The following NUP35 variants were observed in gnomAD, a reference collection of about 807,000 sequenced individuals.
NUP35 encodes nucleoporin NUP35.
Under a neutral mutation model 41.5 loss-of-function variants are expected in NUP35, and 25 were observed. The observed-to-expected ratio is 0.60, with a 90% CI of 0.44 to 0.84. NUP35 has a LOEUF of 0.84. Ranked by LOEUF, NUP35 falls within the 40% of genes least tolerant of loss-of-function variation. The probability of loss-of-function intolerance (pLI) is 0.00; values close to 1 mark genes in which losing one functional copy is unlikely to be tolerated. For synonymous variants in NUP35, 149 were observed against 130.7 expected (o/e 1.14, Z -0.96); for missense variants, 396 against 396.6 (o/e 1.00, Z 0.01).
intron 6 of NUP35, 31 bp from the exon 7 acceptor site, chr2:183,158,252 C>G: frequency 7.1e-7 from 1 of 1,404,088 alleles, no homozygotes; most frequent in Non-Finnish European, 9.5e-7. Context: ...TATATATTTT[C>G]TATTTTAAGA....
Position 183,161,244 on chromosome 2 carries a change from C to T in NUP35, c.*113C>T. 1 of 642,940 alleles carries T rather than the reference C, an allele frequency of 1.6e-6. No homozygotes were observed. Among genetic ancestry groups the T allele is most frequent in the Non-Finnish European group, 2.6e-6 (1 of 379,796 alleles). The allele number at this position is 642,940 out of a possible 1,614,324, so 39.8% of individuals were successfully genotyped here. On this transcript the variant is annotated 3_prime_UTR_variant, in exon 9 of 9. Coordinates refer to ENST00000295119, the MANE Select transcript of NUP35 (RefSeq NM_138285.5). ...AGTATTGGATAGCTATCTCATACTT[C>T]TTTTAGAAAGAAGCCTTTTTCATTA... is the stretch of plus-strand genomic sequence containing the variant.
chr2:183,124,607 C>A (rs1700122688), intron 1 of NUP35, 110 bp downstream of exon 1: 2 of 1,413,092 alleles, frequency 1.4e-6, no homozygotes, highest in Non-Finnish European at 1.0e-6. Context: ...GTTTCAGTCG[C>A]GGAGAGGGAA....
Position 183,143,117 on chromosome 2 carries a change from C to T in NUP35, c.398-8391C>T, listed in dbSNP as rs529607601. 7.4e-5 allele frequency among the ~76,000 whole-genome samples: 11 copies of T among 148,380 alleles called. No individual in the cohort carries two copies. In the South Asian group the frequency reaches 2.1e-3, roughly 28 times the overall value. The stretch of plus-strand genomic sequence containing the variant: ...CTTGCAGTGAGCTGAGATCGAGCCA[C>T]TGCACTCCAGCCTGGGTGACAGAGC... On this transcript the variant is annotated intron_variant, in intron 4 of 8. Transcript: ENST00000295119.
At chr2:183,125,444 A>G (rs1458719188) in intron 1 of NUP35, among the ~76,000 whole-genome samples, 5 of 149,594 alleles carry the variant, frequency 3.3e-5, no homozygotes. Flanking sequence ...GAGTCTTTAG[A>G]TTTGAAGGGT....
chr2:183,156,844 T>C (rs1447094890), intron 5 of NUP35, among the ~76,000 whole-genome samples: 5 of 152,148 alleles, frequency 3.3e-5, no homozygotes, highest in Non-Finnish European at 7.4e-5. Flanking sequence ...TTGTAAAATA[T>C]CCAAACCATA....
At chr2:183,123,158 G>A (rs1247301647), upstream of NUP35, among the ~76,000 whole-genome samples, 1 of 152,146 alleles carries the variant, frequency 6.6e-6, no homozygotes, top group Non-Finnish European at 1.5e-5. Context: ...TTCTCCCCTG[G>A]AGCCTCCAGA....
intron 4 of NUP35, 87 bp downstream of exon 4, chr2:183,133,710 G>A (rs1185536636): frequency 7.1e-6 from 6 of 844,264 alleles, no homozygotes; most frequent in Non-Finnish European, 1.0e-5. Flanking sequence ...TGTGATCACG[G>A]AGTAAACAAC....
chr2:183,158,231 G>C (rs1685742081), intron 6 of NUP35, 52 bp from the exon 7 acceptor site: 1 of 1,237,000 alleles, frequency 8.1e-7, no homozygotes, highest in Non-Finnish European at 1.1e-6. Context: ...GAATTCATTA[G>C]ATGTAGATTT....
intron 4 of NUP35, among the ~76,000 whole-genome samples, chr2:183,141,038 T>C (rs193076687): frequency 6.6e-6 from 1 of 152,144 alleles, no homozygotes; most frequent in African/African-American, 2.4e-5. Flanking sequence ...TTCTCATTTA[T>C]CCCAAAGTCA....
chr2:183,121,636 A>C (rs557896996), upstream of NUP35, among the ~76,000 whole-genome samples: 10 of 152,008 alleles, frequency 6.6e-5, no homozygotes, highest in Non-Finnish European at 1.3e-4. Flanking sequence ...GATCGAGACC[A>C]TCCTGGCCAA....
At position 183,126,642 on chromosome 2, in the gene NUP35, G is replaced by GT. The variant is rs71008267; in HGVS notation, c.41-1634dup. On this transcript the variant is annotated intron_variant, in intron 1 of 8. Transcript: ENST00000295119. ...TTTGCTTTATCCATTTATTGAATTT[G>GT]TTTTTTTTTTTGTCTTTTATACACT... 4.8e-3 allele frequency among the ~76,000 whole-genome samples: 693 copies of GT among 145,784 alleles called. 11 individuals are homozygous for GT. The highest frequency in any genetic ancestry group is 0.03 in the East Asian group (150 of 4,930).
At chr2:183,156,349 A>T (rs902101740) in intron 5 of NUP35, among the ~76,000 whole-genome samples, 1 of 151,934 alleles carries the variant, frequency 6.6e-6, no homozygotes, top group Non-Finnish European at 1.5e-5. Context: ...TTAATTAATT[A>T]ATTTATTTTG....
chr2:183,153,253 C>T (rs1233708365), intron 5 of NUP35, among the ~76,000 whole-genome samples: 1 of 152,124 alleles, frequency 6.6e-6, no homozygotes, highest in Non-Finnish European at 1.5e-5. Context: ...TCATTTCATC[C>T]TTGGCCCCTC....
At chr2:183,131,353 G>A (rs925806) in intron 3 of NUP35, 76,162 of 152,578 alleles carry the variant, frequency 0.5, 20,601 homozygotes, top group African/African-American at 0.71. Flanking sequence ...AGTTAAGTTG[G>A]TAAGTTCTTT....
At chr2:183,160,438 AGTACAGTGG>A (rs1254486851) in intron 8 of NUP35, 1 of 152,032 alleles carries the variant, frequency 6.6e-6, no homozygotes, top group Non-Finnish European at 1.5e-5. Flanking sequence ...CCTAGGCTGG[AGTACAGTGG>A]TGCTATCCCA....
At chr2:183,138,622 C>CT (rs911324283) in intron 4 of NUP35, among the ~76,000 whole-genome samples, 2 of 151,976 alleles carry the variant, frequency 1.3e-5, no homozygotes, top group Non-Finnish European at 2.9e-5. Flanking sequence ...TGTGTTTTTT[C>CT]TACTTTCCCC....
chr2:183,124,967 T>C (rs1684390546), intron 1 of NUP35, among the ~76,000 whole-genome samples: 1 of 152,054 alleles, frequency 6.6e-6, no homozygotes, highest in Non-Finnish European at 1.5e-5. Context: ...CCAGTTCCTG[T>C]TTTGACTCCT....
At chr2:183,129,219 G>GA (rs200067686) in intron 2 of NUP35, among the ~76,000 whole-genome samples, 1 of 129,276 alleles carries the variant, frequency 7.7e-6, no homozygotes, top group African/African-American at 2.6e-5. Flanking sequence ...AGGAAACTTG[G>GA]GGGGGAGGTT....
intron 4 of NUP35, among the ~76,000 whole-genome samples, chr2:183,138,270 T>TATATATATATATATATATATATA (rs1553530933): frequency 2.0e-4 from 5 of 25,310 alleles, no homozygotes; most frequent in African/African-American, 6.6e-4. Flanking sequence ...TATATATATA[T>TATATATATATATATATATATATA]TTTTTTTTTT....
Sources: allele counts gnomAD v4.1 joint callset (sites outside exome capture counted in the v4.1 genomes callset), GRCh38; gene constraint gnomAD v4.1.1; transcripts MANE v1.5; gene names NCBI Gene and HGNC (gene_info 2026-07-23, HGNC 2026-07-21).